Variants in LRRTM4 observed in about 807,000 individuals in gnomAD.
The protein encoded by LRRTM4 is leucine rich repeat transmembrane neuronal 4.
A neutral mutation model predicts 47.6 loss-of-function variants in LRRTM4; 25 were observed. The observed-to-expected ratio is 0.53, with a 90% CI of 0.38 to 0.73. The LOEUF (loss-of-function observed/expected upper bound fraction) is 0.73, where lower values mean the gene tolerates loss of function less well. Ranked by LOEUF, LRRTM4 falls within the 30% of genes least tolerant of loss-of-function variation. LRRTM4 has a pLI of 0.00. For missense variants in LRRTM4, 638 were observed against 713.4 expected (o/e 0.89, Z 1.20); for synonymous variants, 311 against 269.5 (o/e 1.15, Z -1.51).
At chr2:76,945,493 G>A (rs143730165) in intron 3 of LRRTM4, among the ~76,000 whole-genome samples, 1 of 152,140 alleles carries the variant, frequency 6.6e-6, no homozygotes, top group African/African-American at 2.4e-5. Flanking sequence ...TTGGCAGAAA[G>A]AGGATTTATG....
At chr2:76,948,432 T>C (rs944073320) in intron 3 of LRRTM4, among the ~76,000 whole-genome samples, 4 of 151,886 alleles carry the variant, frequency 2.6e-5, no homozygotes, top group Admixed American at 6.6e-5. Context: ...AAAGAAAATG[T>C]AATAGTCTTA....
chr2:77,060,485 AAG>A (rs1679751900), intron 3 of LRRTM4, among the ~76,000 whole-genome samples: 1 of 152,218 alleles, frequency 6.6e-6, no homozygotes. Flanking sequence ...ATATTAATCT[AAG>A]ATAATATGGC....
intron 3 of LRRTM4, among the ~76,000 whole-genome samples, chr2:77,394,039 T>C (rs1305071932): frequency 1.3e-5 from 2 of 152,006 alleles, no homozygotes; most frequent in African/African-American, 4.8e-5. Flanking sequence ...TGCAATGAAG[T>C]ATTGGATGTA....
At chr2:77,226,534 TATAC>T (rs1219975899) in intron 3 of LRRTM4, among the ~76,000 whole-genome samples, 32 of 61,598 alleles carry the variant, frequency 5.2e-4, no homozygotes, top group African/African-American at 2.9e-3. Context: ...GAGCAAATTA[TATAC>T]ATATATATAT....
intron 3 of LRRTM4, among the ~76,000 whole-genome samples, chr2:77,500,480 C>G (rs1678530995): frequency 6.6e-6 from 1 of 150,876 alleles, no homozygotes; most frequent in Admixed American, 6.6e-5. Context: ...GATCAAAAAT[C>G]AGAAAATATT....
chr2:76,783,171 A>G (rs1330149738), intron 3 of LRRTM4, among the ~76,000 whole-genome samples: 1 of 152,156 alleles, frequency 6.6e-6, no homozygotes, highest in Non-Finnish European at 1.5e-5. Context: ...ATGAATAAAT[A>G]TATCACATTA....
At chr2:76,994,582 T>C (rs1677133431) in intron 3 of LRRTM4, among the ~76,000 whole-genome samples, 1 of 151,892 alleles carries the variant, frequency 6.6e-6, no homozygotes, top group South Asian at 2.1e-4. Flanking sequence ...ACCTATTTGC[T>C]TGTAAATAGG....
chr2:76,766,080 G>T (rs2104097112), intron 3 of LRRTM4, among the ~76,000 whole-genome samples: 1 of 152,230 alleles, frequency 6.6e-6, no homozygotes, highest in African/African-American at 2.4e-5. Flanking sequence ...CAGATACTGG[G>T]ATCTTTCTCC....
chr2:76,877,941 C>T (rs1016737778), intron 3 of LRRTM4, among the ~76,000 whole-genome samples: 1 of 152,114 alleles, frequency 6.6e-6, no homozygotes, highest in Non-Finnish European at 1.5e-5. Flanking sequence ...ATGCATACCT[C>T]ATCTTACTGT....
intron 3 of LRRTM4, among the ~76,000 whole-genome samples, chr2:77,267,028 C>G (rs1171961811): frequency 6.6e-6 from 1 of 152,060 alleles, no homozygotes; most frequent in Non-Finnish European, 1.5e-5. Context: ...ACAAAAATAC[C>G]CTGCTTTCCT....
At chr2:76,915,979 T>A (rs1674229650) in intron 3 of LRRTM4, among the ~76,000 whole-genome samples, 1 of 152,118 alleles carries the variant, frequency 6.6e-6, no homozygotes, top group Non-Finnish European at 1.5e-5. Flanking sequence ...CATAGATTAG[T>A]TACTGGAAAA....
At chr2:76,950,503 T>C (rs1675460159) in intron 3 of LRRTM4, among the ~76,000 whole-genome samples, 1 of 151,776 alleles carries the variant, frequency 6.6e-6, no homozygotes, top group Non-Finnish European at 1.5e-5. Context: ...ACAGGAAAAA[T>C]GAATATTGTA....
chr2:76,977,362 C>T (rs1441720646), intron 3 of LRRTM4, among the ~76,000 whole-genome samples: 1 of 151,446 alleles, frequency 6.6e-6, no homozygotes, highest in Non-Finnish European at 1.5e-5. Context: ...ATACAAACAC[C>T]CAAAAACTTA....
chr2:77,010,455 T>G (rs899908299), intron 3 of LRRTM4, among the ~76,000 whole-genome samples: 4 of 151,168 alleles, frequency 2.6e-5, no homozygotes, highest in African/African-American at 7.3e-5. Context: ...TTTTTTCATA[T>G]GACAGAACTT....
At chr2:77,045,138 T>C (rs1679191534) in intron 3 of LRRTM4, among the ~76,000 whole-genome samples, 1 of 151,860 alleles carries the variant, frequency 6.6e-6, no homozygotes, top group South Asian at 2.1e-4. Context: ...CCAGCACAAA[T>C]CTAGTAACTC....
chr2:77,332,611 CAG>C (rs1284111442), intron 3 of LRRTM4, among the ~76,000 whole-genome samples: 1 of 152,112 alleles, frequency 6.6e-6, no homozygotes, highest in East Asian at 1.9e-4. Flanking sequence ...AGAGATCAAT[CAG>C]AGAATAATCA....
In LRRTM4 at chr2:77,256,032, G is replaced by A. The variant is rs143695232; in HGVS notation, c.1551+262286C>T. On this transcript the variant is annotated intron_variant, in intron 3 of 3. Transcript: ENST00000409884. ...TTGATAAACCTCTAGTTTAACAGCCGAGAGAGACAGAGAGAGAACAAAGGA... is the reference window on the plus strand; with the variant it reads ...TTGATAAACCTCTAGTTTAACAGCCAAGAGAGACAGAGAGAGAACAAAGGA... Among the ~76,000 whole-genome samples the A allele has an allele frequency of 4.6e-5, 7 of 152,090 alleles. No individual in the cohort carries two copies. In the East Asian group the frequency reaches 9.7e-4, roughly 21 times the overall value.
intron 3 of LRRTM4, among the ~76,000 whole-genome samples, chr2:77,460,759 A>G (rs1159057519): frequency 1.3e-5 from 2 of 152,054 alleles, no homozygotes; most frequent in Non-Finnish European, 2.9e-5. Flanking sequence ...CTGGTTCTCT[A>G]TTACTAAGTT....
At position 77,521,807 on chromosome 2, in the gene LRRTM4, G is replaced by T. The variant is rs1211878096; in HGVS notation, c.-136C>A. The stretch of plus-strand genomic sequence containing the variant: ...TTCTGATCCCGCATGTGAGCTAGTA[G>T]CCCCATACAAACTTCCCCGAGAGGA... On this transcript the variant is annotated 5_prime_UTR_variant, in exon 2 of 4. Coordinates refer to ENST00000409884, the MANE Select transcript of LRRTM4 (RefSeq NM_001134745.3). 1 of 645,704 alleles carries T rather than the reference G, an allele frequency of 1.5e-6. No homozygotes were observed. The allele number at this position is 645,704 out of a possible 1,614,324, so 40.0% of individuals were successfully genotyped here.
Sources: gnomAD v4.1 joint callset for allele counts (sites outside exome capture counted in the v4.1 genomes callset) on GRCh38, gnomAD v4.1.1 for gene constraint, MANE v1.5 for transcripts, NCBI Gene and HGNC (gene_info 2026-07-23, HGNC 2026-07-21) for gene names.